Variants in TENM1 observed in about 807,000 individuals in gnomAD.
The protein encoded by TENM1 is teneurin transmembrane protein 1.
Under a neutral mutation model 174.8 loss-of-function variants are expected in TENM1, and 35 were observed. That is an observed-to-expected ratio of 0.20 (90% confidence interval 0.15 to 0.27). TENM1 has a LOEUF of 0.27. TENM1 is among the 10% of genes least tolerant of loss of function. The probability of loss-of-function intolerance (pLI) is 1.00; values close to 1 mark genes in which losing one functional copy is unlikely to be tolerated. For missense variants in TENM1, 1,633 were observed against 2,130.1 expected, an observed-to-expected ratio of 0.77 and a Z score of 4.59; for synonymous variants, 781 against 798.7, an observed-to-expected ratio of 0.98 and a Z score of 0.37.
the TENM1 span, among the ~76,000 whole-genome samples, chrX:125,201,522 G>GT: frequency 9.3e-4 from 104 of 111,719 alleles, 1 homozygote; most frequent in Non-Finnish European, 3.6e-4. Context: ...TATTTGTGGG[G>GT]TTTTTTTCTG....
At chrX:124,961,258 T>C (rs1438927767) in intron 1 of TENM1, among the ~76,000 whole-genome samples, 1 of 112,207 alleles carries the variant, frequency 8.9e-6, no homozygotes, top group Non-Finnish European at 1.9e-5. Context: ...GCATATATTA[T>C]ATGCAAAATT....
At chrX:125,067,495 C>T in the TENM1 span, among the ~76,000 whole-genome samples, 1 of 111,587 alleles carries the variant, frequency 9.0e-6, no homozygotes, top group East Asian at 2.8e-4. Flanking sequence ...GAAAGCTTTT[C>T]CTTTTGCTCC....
chrX:124,472,067 A>T (rs902923495), intron 22 of TENM1, among the ~76,000 whole-genome samples: 2 of 108,046 alleles, frequency 1.9e-5, no homozygotes, highest in African/African-American at 6.7e-5. Flanking sequence ...GGAAATTCCA[A>T]ATAATGTCAG....
At chrX:124,632,720 T>G (rs1244066813) in intron 11 of TENM1, among the ~76,000 whole-genome samples, 1 of 111,027 alleles carries the variant, frequency 9.0e-6, no homozygotes, top group African/African-American at 3.3e-5. Flanking sequence ...AAAAAAACAC[T>G]GGTATGTATT....
intron 23 of TENM1, among the ~76,000 whole-genome samples, chrX:124,431,620 A>G (rs1268950399): frequency 8.9e-6 from 1 of 112,316 alleles, no homozygotes; most frequent in Non-Finnish European, 1.9e-5. Context: ...TCAAATGTAT[A>G]AAAGAGGGAA....
intron 3 of TENM1, among the ~76,000 whole-genome samples, chrX:124,834,618 G>A (rs906122241): frequency 9.0e-6 from 1 of 111,713 alleles, no homozygotes; most frequent in Non-Finnish European, 1.9e-5. Context: ...CAACCCTCAA[G>A]CTTGGCCCAA....
intron 3 of TENM1, among the ~76,000 whole-genome samples, chrX:124,883,438 C>T (rs775080178): frequency 1.6e-4 from 18 of 112,551 alleles, no homozygotes; most frequent in Admixed American, 1.1e-3. Flanking sequence ...CCTCCTTGAG[C>T]TGCAGTGGTG....
chrX:124,929,193 T>C (rs1211985288), intron 1 of TENM1, among the ~76,000 whole-genome samples: 2 of 111,748 alleles, frequency 1.8e-5, no homozygotes, highest in Non-Finnish European at 3.8e-5. Flanking sequence ...CCCAATCTAG[T>C]GCTCTAACTG....
the TENM1 span, among the ~76,000 whole-genome samples, chrX:125,016,802 G>A: frequency 9.7e-4 from 108 of 111,268 alleles, no homozygotes; most frequent in Non-Finnish European, 1.6e-3. Context: ...CACATTACCC[G>A]ACCTCAAATT....
At chrX:124,590,312 C>A (rs953516325) in intron 11 of TENM1, among the ~76,000 whole-genome samples, 33 of 110,058 alleles carry the variant, frequency 3.0e-4, no homozygotes, top group Non-Finnish European at 6.3e-4. Context: ...GTACAAAAAT[C>A]ACAAGCATTC....
At chrX:124,865,620 C>T (rs967880278) in intron 3 of TENM1, among the ~76,000 whole-genome samples, 44 of 111,244 alleles carry the variant, frequency 4.0e-4, no homozygotes, top group African/African-American at 1.4e-3. Context: ...GACCACTTAA[C>T]AACTAAAAGA....
chrX:124,450,578 C>T (rs914119014), intron 23 of TENM1, among the ~76,000 whole-genome samples: 7 of 111,458 alleles, frequency 6.3e-5, no homozygotes, highest in Non-Finnish European at 1.3e-4. Context: ...AATATATTTA[C>T]CTTGTTTTTC....
intron 3 of TENM1, among the ~76,000 whole-genome samples, chrX:124,871,948 CT>C (rs1206772875): frequency 9.4e-6 from 1 of 106,483 alleles, no homozygotes; most frequent in African/African-American, 3.5e-5. Flanking sequence ...AGGAGAATCG[CT>C]TGAACCCAGG....
intron 11 of TENM1, among the ~76,000 whole-genome samples, chrX:124,638,511 A>G (rs2148364225): frequency 9.0e-6 from 1 of 111,196 alleles, no homozygotes; most frequent in Non-Finnish European, 1.9e-5. Context: ...AATCATATAT[A>G]AAGAGGCAAG....
chrX:124,495,841 C>A (rs1253415275), intron 20 of TENM1, among the ~76,000 whole-genome samples: 7 of 103,792 alleles, frequency 6.7e-5, no homozygotes, highest in Non-Finnish European at 9.8e-5. Flanking sequence ...GCTACCAATG[C>A]CTTTCTTCAC....
At chrX:124,665,834 A>T (rs2051746785) in intron 6 of TENM1, among the ~76,000 whole-genome samples, 1 of 112,116 alleles carries the variant, frequency 8.9e-6, no homozygotes, top group Non-Finnish European at 1.9e-5. Context: ...TATCTGGAGA[A>T]ACTTGGCTTT....
chrX:125,163,979 A>G, the TENM1 span, among the ~76,000 whole-genome samples: 2 of 112,011 alleles, frequency 1.8e-5, no homozygotes, highest in Admixed American at 1.9e-4. Flanking sequence ...TTTTTAGGTA[A>G]TCTACAAGCT....
At chrX:125,011,569 A>C in the TENM1 span, among the ~76,000 whole-genome samples, 1 of 112,265 alleles carries the variant, frequency 8.9e-6, no homozygotes, top group East Asian at 2.8e-4. Flanking sequence ...TGTTGCCAAC[A>C]ACAGACATAT....
chrX:124,586,289 T>C (rs772186028), intron 11 of TENM1, among the ~76,000 whole-genome samples: 4 of 110,230 alleles, frequency 3.6e-5, no homozygotes, highest in Non-Finnish European at 7.6e-5. Context: ...AAATCCTCAA[T>C]AAAATACTGG....
Sources: gnomAD v4.1 joint callset for allele counts (sites outside exome capture counted in the v4.1 genomes callset) on GRCh38, gnomAD v4.1.1 for gene constraint, MANE v1.5 for transcripts, NCBI Gene and HGNC (gene_info 2026-07-23, HGNC 2026-07-21) for gene names.